Variants in SUGCT observed in about 807,000 individuals in gnomAD.
SUGCT encodes succinyl-CoA:glutarate-CoA transferase.
SUGCT carries 41 observed loss-of-function variants against 55.0 expected under a neutral mutation model. That is an observed-to-expected ratio of 0.74 (90% confidence interval 0.58 to 0.97). The LOEUF (loss-of-function observed/expected upper bound fraction) is 0.97, where lower values mean the gene tolerates loss of function less well. SUGCT is among the 50% of genes least tolerant of loss of function. SUGCT has a pLI of 0.00. For missense variants in SUGCT, 568 were observed against 547.8 expected, an observed-to-expected ratio of 1.04 and a Z score of -0.37; for synonymous variants, 187 against 200.4, an observed-to-expected ratio of 0.93 and a Z score of 0.56.
chr7:40,696,059 CCCGTTTCTGTCT>C (rs1784922790), intron 12 of SUGCT, among the ~76,000 whole-genome samples: 1 of 152,190 alleles, frequency 6.6e-6, no homozygotes, highest in African/African-American at 2.4e-5. Flanking sequence ...CAGTTCTTTT[CCCGTTTCTGTCT>C]AATAGCATAT....
chr7:40,159,658 CG>C (rs1230565971), intron 1 of SUGCT, among the ~76,000 whole-genome samples: 3 of 152,082 alleles, frequency 2.0e-5, no homozygotes, highest in African/African-American at 7.2e-5. Flanking sequence ...TGTGAGCCAC[CG>C]TGCCTGGCCG....
rs573965627 is a variant in SUGCT at position 40,753,068 on chromosome 7, C to T, written c.1153+3571C>T. Among the ~76,000 whole-genome samples the T allele has an allele frequency of 2.1e-4, 32 of 152,248 alleles. No individual in the cohort carries two copies. In the South Asian group the frequency reaches 6.4e-3, roughly 31 times the overall value. On this transcript the variant is annotated intron_variant, in intron 13 of 13. Transcript: ENST00000335693. ...TCATGAGAGGGGAATGACAATTCTG[C>T]TTACAGATGTCAGATAAAAAGAGGC...
chr7:40,510,519 TG>T (rs1792866250), intron 12 of SUGCT, among the ~76,000 whole-genome samples: 1 of 152,222 alleles, frequency 6.6e-6, no homozygotes, highest in South Asian at 2.1e-4. Context: ...TTTTGGTATC[TG>T]AGCAGTACTA....
chr7:40,717,445 C>T (rs938753383), intron 12 of SUGCT, among the ~76,000 whole-genome samples: 1 of 152,208 alleles, frequency 6.6e-6, no homozygotes, highest in Admixed American at 6.5e-5. Context: ...CTCCCCGTGG[C>T]CCCACCCATT....
chr7:41,027,502 A>G, the SUGCT span, among the ~76,000 whole-genome samples: 14 of 152,340 alleles, frequency 9.2e-5, no homozygotes, highest in Admixed American at 3.9e-4. Context: ...AGACTCCTCA[A>G]TTCCTGGATA....
intron 5 of SUGCT, among the ~76,000 whole-genome samples, chr7:40,191,830 C>G (rs912843520): frequency 6.6e-6 from 1 of 152,138 alleles, no homozygotes; most frequent in Non-Finnish European, 1.5e-5. Flanking sequence ...GCAAAAAATG[C>G]CAGGCATGGT....
chr7:40,575,403 G>A (rs1333599466), intron 12 of SUGCT, among the ~76,000 whole-genome samples: 5 of 152,002 alleles, frequency 3.3e-5, no homozygotes, highest in African/African-American at 9.7e-5. Flanking sequence ...GGATAGTGAC[G>A]TAGGGATGGC....
At chr7:40,373,102 G>T (rs1358317477) in intron 9 of SUGCT, among the ~76,000 whole-genome samples, 1 of 151,868 alleles carries the variant, frequency 6.6e-6, no homozygotes, top group Non-Finnish European at 1.5e-5. Context: ...GAAAATTGTT[G>T]CTAGTGAAGT....
At chr7:40,744,172 C>T (rs1213093001) in intron 12 of SUGCT, among the ~76,000 whole-genome samples, 2 of 151,964 alleles carry the variant, frequency 1.3e-5, no homozygotes, top group Non-Finnish European at 2.9e-5. Context: ...AGGTGATCCA[C>T]CTGCCTCGGC....
intron 13 of SUGCT, among the ~76,000 whole-genome samples, chr7:40,776,582 G>T (rs540278553): frequency 6.6e-6 from 1 of 152,242 alleles, no homozygotes; most frequent in Non-Finnish European, 1.5e-5. Context: ...GAGGCTATAA[G>T]TTTCATCAAT....
At chr7:40,372,175 G>A (rs1211022682) in intron 9 of SUGCT, among the ~76,000 whole-genome samples, 1 of 151,876 alleles carries the variant, frequency 6.6e-6, no homozygotes, top group African/African-American at 2.4e-5. Context: ...TCCAGTAATG[G>A]AATAAGAGTT....
At chr7:40,599,981 G>A (rs1376096366) in intron 12 of SUGCT, among the ~76,000 whole-genome samples, 1 of 152,142 alleles carries the variant, frequency 6.6e-6, no homozygotes, top group Non-Finnish European at 1.5e-5. Flanking sequence ...TCACATGTGA[G>A]GAGAATGCTT....
At chr7:40,855,319 C>A (rs938847218) in intron 13 of SUGCT, among the ~76,000 whole-genome samples, 2 of 151,476 alleles carry the variant, frequency 1.3e-5, no homozygotes, top group African/African-American at 4.8e-5. Flanking sequence ...CTCTTCTACT[C>A]TTTTTGCCTC....
At chr7:40,980,972 A>G in the SUGCT span, among the ~76,000 whole-genome samples, 1 of 152,304 alleles carries the variant, frequency 6.6e-6, no homozygotes, top group Admixed American at 6.5e-5. Context: ...TGCTGGGATT[A>G]CAGGTGTGAG....
intron 9 of SUGCT, among the ~76,000 whole-genome samples, chr7:40,324,583 C>T (rs896167504): frequency 3.9e-5 from 6 of 152,064 alleles, no homozygotes; most frequent in Non-Finnish European, 7.4e-5. Context: ...TTAAAAAGCC[C>T]ACCAACCTTT....
chr7:40,637,066 G>C (rs1242625924), intron 12 of SUGCT, among the ~76,000 whole-genome samples: 1 of 152,178 alleles, frequency 6.6e-6, no homozygotes, highest in East Asian at 1.9e-4. Flanking sequence ...AACCCGAAAG[G>C]GGAGCTACTT....
chr7:40,526,502 C>T (rs978468266), intron 12 of SUGCT, among the ~76,000 whole-genome samples: 2 of 152,132 alleles, frequency 1.3e-5, no homozygotes, highest in African/African-American at 4.8e-5. Context: ...GGACCTCACT[C>T]CCAGAGTTTC....
At chr7:40,899,939 G>T in the SUGCT span, among the ~76,000 whole-genome samples, 1 of 152,192 alleles carries the variant, frequency 6.6e-6, no homozygotes, top group Non-Finnish European at 1.5e-5. Context: ...AGGCAGCCCA[G>T]GCCTGGAGTT....
At chr7:40,901,237 A>G in the SUGCT span, among the ~76,000 whole-genome samples, 136,031 of 152,232 alleles carry the variant, frequency 0.89, 61,230 homozygotes, top group East Asian at 1. Context: ...ATCTGGGGAC[A>G]TAACTAATGA....
Sources: allele counts gnomAD v4.1 joint callset (sites outside exome capture counted in the v4.1 genomes callset), GRCh38; gene constraint gnomAD v4.1.1; transcripts MANE v1.5; gene names NCBI Gene and HGNC (gene_info 2026-07-23, HGNC 2026-07-21).